Variants in ATXN1 observed in about 807,000 individuals in gnomAD.
ATXN1 encodes the protein ataxin-1.
Under a neutral mutation model 56.4 loss-of-function variants are expected in ATXN1, and 8 were observed. The observed-to-expected ratio is 0.14, with a 90% CI of 0.08 to 0.26. The LOEUF (loss-of-function observed/expected upper bound fraction) is 0.26. Ranked by LOEUF, ATXN1 falls within the 10% of genes least tolerant of loss-of-function variation. The pLI, the probability that ATXN1 is intolerant of heterozygous loss-of-function variation, is 1.00. For synonymous variants in ATXN1, 514 were observed against 494.6 expected, an observed-to-expected ratio of 1.04 and a Z score of -0.52; for missense variants, 987 against 1,106.5, an observed-to-expected ratio of 0.89 and a Z score of 1.53.
At chr6:16,365,596 T>C (rs909994231) in intron 6 of ATXN1, among the ~76,000 whole-genome samples, 3 of 152,242 alleles carry the variant, frequency 2.0e-5, no homozygotes, top group African/African-American at 7.2e-5. Context: ...TGGAAAAAAA[T>C]GACATAACCA....
intron 3 of ATXN1, among the ~76,000 whole-genome samples, chr6:16,616,717 A>G (rs1763220565): frequency 2.7e-5 from 4 of 147,722 alleles, no homozygotes. Flanking sequence ...GAAGATATAC[A>G]TATACCCCTC....
intron 2 of ATXN1, chr6:16,736,722 G>A (rs1480617490): frequency 1.3e-5 from 2 of 152,174 alleles, no homozygotes; most frequent in Non-Finnish European, 2.9e-5. Flanking sequence ...CCTTTCCAGA[G>A]AGCAGAAATT....
intron 6 of ATXN1, among the ~76,000 whole-genome samples, chr6:16,420,196 G>A (rs997021599): frequency 2.0e-5 from 3 of 152,002 alleles, no homozygotes; most frequent in Non-Finnish European, 2.9e-5. Flanking sequence ...TCTCCATAAC[G>A]TGAGCTGCAG....
chr6:16,566,109 T>C (rs1299696636), intron 4 of ATXN1, among the ~76,000 whole-genome samples: 2 of 152,172 alleles, frequency 1.3e-5, no homozygotes, highest in Non-Finnish European at 2.9e-5. Flanking sequence ...AAGATTTACG[T>C]TGAATAACAA....
chr6:16,381,125 A>G (rs1226097503), intron 6 of ATXN1, among the ~76,000 whole-genome samples: 1 of 152,178 alleles, frequency 6.6e-6, no homozygotes, highest in Non-Finnish European at 1.5e-5. Flanking sequence ...CCCTGTCTCT[A>G]CTATTACAAA....
chr6:16,478,724 AT>A (rs367767227), intron 6 of ATXN1, among the ~76,000 whole-genome samples: 2,317 of 150,330 alleles, frequency 0.015, 16 homozygotes, highest in East Asian at 0.033. Context: ...GAGAAATTAC[AT>A]TTTTTTTTTC....
chr6:16,313,305 C>T (rs1366818183), intron 7 of ATXN1, among the ~76,000 whole-genome samples: 1 of 152,134 alleles, frequency 6.6e-6, no homozygotes, highest in Non-Finnish European at 1.5e-5. Flanking sequence ...AGCAGCCAAA[C>T]CTAAGTTCAG....
chr6:16,740,225 A>C (rs900640656), intron 2 of ATXN1, among the ~76,000 whole-genome samples: 2 of 152,232 alleles, frequency 1.3e-5, no homozygotes, highest in African/African-American at 4.8e-5. Flanking sequence ...GCACCAAGAG[A>C]TGGACAGTGT....
intron 2 of ATXN1, among the ~76,000 whole-genome samples, chr6:16,670,359 C>T (rs1223266747): frequency 6.6e-6 from 1 of 152,156 alleles, no homozygotes; most frequent in African/African-American, 2.4e-5. Flanking sequence ...AGATCTGATC[C>T]TTGTACTCTC....
chr6:16,536,414 C>A (rs1057496911), intron 4 of ATXN1, among the ~76,000 whole-genome samples: 2 of 152,198 alleles, frequency 1.3e-5, no homozygotes, highest in Middle Eastern at 3.4e-3. Context: ...ATATTATTTG[C>A]AAAATCTAGG....
chr6:16,553,130 T>C (rs551307302), intron 4 of ATXN1, among the ~76,000 whole-genome samples: 12 of 152,292 alleles, frequency 7.9e-5, no homozygotes, highest in Admixed American at 4.6e-4. Flanking sequence ...CAGCTGGCCA[T>C]TGGCAGCGCC....
chr6:16,527,596 T>A (rs1435891990), intron 4 of ATXN1, among the ~76,000 whole-genome samples: 3 of 152,180 alleles, frequency 2.0e-5, no homozygotes, highest in African/African-American at 4.8e-5. Flanking sequence ...AAATGCTTCA[T>A]CCCTGGTCCA....
chr6:16,391,997 T>C (rs1758363434), intron 6 of ATXN1, among the ~76,000 whole-genome samples: 1 of 152,138 alleles, frequency 6.6e-6, no homozygotes, highest in Non-Finnish European at 1.5e-5. Flanking sequence ...GTGACAACTA[T>C]GCAATAATTA....
chr6:16,307,816 C>T (rs1760287067), intron 7 of ATXN1, among the ~76,000 whole-genome samples: 1 of 152,032 alleles, frequency 6.6e-6, no homozygotes, highest in African/African-American at 2.4e-5. Context: ...AAACTCTGGA[C>T]AAAATGTTTA....
intron 3 of ATXN1, among the ~76,000 whole-genome samples, chr6:16,620,648 A>G (rs1156708768): frequency 1.3e-5 from 2 of 152,222 alleles, no homozygotes; most frequent in Non-Finnish European, 2.9e-5. Context: ...ATGATCTAAG[A>G]AAACAGAGGT....
intron 6 of ATXN1, among the ~76,000 whole-genome samples, chr6:16,334,171 A>T (rs1761059451): frequency 6.6e-6 from 1 of 152,228 alleles, no homozygotes. Flanking sequence ...GAAGGCTAGA[A>T]GGGATATATG....
At chr6:16,522,173 C>T (rs236939) in intron 5 of ATXN1, among the ~76,000 whole-genome samples, 111,495 of 152,032 alleles carry the variant, frequency 0.73, 42,101 homozygotes, top group African/African-American at 0.9. Flanking sequence ...CTCAGATGCC[C>T]CATCTGTACA....
At chr6:16,708,096 T>C (rs1381111344) in intron 2 of ATXN1, among the ~76,000 whole-genome samples, 2 of 152,062 alleles carry the variant, frequency 1.3e-5, no homozygotes, top group East Asian at 1.9e-4. Flanking sequence ...TACAATGACA[T>C]TAAAACTAAA....
chr6:16,734,364 C>A (rs1231495275), intron 2 of ATXN1, among the ~76,000 whole-genome samples: 1 of 151,972 alleles, frequency 6.6e-6, no homozygotes, highest in East Asian at 1.9e-4. Flanking sequence ...TTGTTCTGAC[C>A]CAGTTCTTCT....
Sources: gnomAD v4.1 joint callset for allele counts (sites outside exome capture counted in the v4.1 genomes callset) on GRCh38, gnomAD v4.1.1 for gene constraint, MANE v1.5 for transcripts, NCBI Gene and HGNC (gene_info 2026-07-23, HGNC 2026-07-21) for gene names.